The following ADAMTS9 variants were observed in gnomAD, a reference collection of about 807,000 sequenced individuals.
ADAMTS9 encodes the protein ADAM metallopeptidase with thrombospondin type 1 motif 9.
Under a neutral mutation model 257.1 loss-of-function variants are expected in ADAMTS9, and 107 were observed. That is an observed-to-expected ratio of 0.42 (90% CI 0.36 to 0.49). The LOEUF is 0.49. Among genes scored for constraint, ADAMTS9 ranks in the 20% least tolerant of loss-of-function variants. The probability of loss-of-function intolerance (pLI) is 0.03; values close to 1 mark genes in which losing one functional copy is unlikely to be tolerated. For synonymous variants in ADAMTS9, 982 were observed against 880.9 expected, an observed-to-expected ratio of 1.11 and a Z score of -2.03; for missense variants, 2,353 against 2,469.1, an observed-to-expected ratio of 0.95 and a Z score of 1.00.
chr3:64,657,138 G>T, intron 4 of ADAMTS9, among the ~76,000 whole-genome samples: 1 of 152,098 alleles, frequency 6.6e-6, no homozygotes, highest in Non-Finnish European at 1.5e-5. Context: ...ACCTAGAGTT[G>T]CACTGCCCAA....
At position 64,604,041 on chromosome 3, in the gene ADAMTS9, G is replaced by T. The variant is rs1467625872; in HGVS notation, c.3628C>A (p.Arg1210=). The T allele has an allele frequency of 6.2e-7, 1 of 1,614,072 alleles. No homozygotes were observed. Among genetic ancestry groups the T allele is most frequent in the East Asian group, 2.2e-5 (1 of 44,834 alleles). Residue 1210 remains arginine, a synonymous_variant, in exon 25 of 40, where the codon CGA becomes AGA. Coordinates refer to ENST00000498707, the MANE Select transcript of ADAMTS9 (RefSeq NM_182920.2). ...TCAGCCACAGAGCCATTCTCATCTC[G>T]GCAGCTGACGTATCTCATCCGGGTA... is the stretch of plus-strand genomic sequence containing the variant. ...KGTRMRYVSC[R]DENGSVADES... is the part of the protein sequence containing the mutation.
At chr3:64,646,814 C>T (rs946129006) in intron 11 of ADAMTS9, among the ~76,000 whole-genome samples, 1 of 152,194 alleles carries the variant, frequency 6.6e-6, no homozygotes, top group Non-Finnish European at 1.5e-5. Context: ...CCAGTAGGCC[C>T]TGCTGCCCCT....
chr3:64,601,887 T>A, intron 26 of ADAMTS9, 57 bp downstream of exon 26: 1 of 1,528,130 alleles, frequency 6.5e-7, no homozygotes, highest in Non-Finnish European at 8.8e-7. Flanking sequence ...TAGTCTCTTT[T>A]ACCCTAAACC....
chr3:64,568,411 C>A lies in ADAMTS9; in HGVS notation c.4481G>T (p.Arg1494Leu), dbSNP rs200540718. The A allele has an allele frequency of 6.2e-6, 10 of 1,612,862 alleles. No homozygotes were observed. The highest frequency in any genetic ancestry group is 6.8e-6 in the Non-Finnish European group (8 of 1,179,758). ...LAKPHGHRKCRGGRCPKWKAG... is the reference protein window; with the variant it reads ...LAKPHGHRKCLGGRCPKWKAG... ...TTTCCATTTGGGGCATCTTCCTCCT[C>A]GGCACTTTCTGTGCCCATGTGGCTT... The change falls in exon 29 of 40, where the codon CGA (arginine) becomes CTA (leucine). Residue 1494 changes from arginine (R) to leucine (L), a missense_variant. Physicochemically the swap from Arg to Leu is moderately radical, Grantham distance 102 (BLOSUM62 -2). Transcript: ENST00000498707.
At chr3:64,527,819 G>A (rs114553413) in intron 38 of ADAMTS9, among the ~76,000 whole-genome samples, 2,585 of 152,230 alleles carry the variant, frequency 0.017, 49 homozygotes, top group Non-Finnish European at 0.028. Flanking sequence ...ACACTTGGTG[G>A]ATAGTTGGAT....
At chr3:64,532,021 C>T (rs2082988274) in intron 38 of ADAMTS9, among the ~76,000 whole-genome samples, 1 of 152,170 alleles carries the variant, frequency 6.6e-6, no homozygotes, top group Non-Finnish European at 1.5e-5. Context: ...TCTACTCCTG[C>T]CAGGTCCCCC....
intron 28 of ADAMTS9, among the ~76,000 whole-genome samples, chr3:64,584,272 G>A (rs988083758): frequency 5.9e-5 from 9 of 152,096 alleles, no homozygotes; most frequent in African/African-American, 2.2e-4. Context: ...ACTAGGAAGA[G>A]ATGCAATAAA....
chr3:64,636,848 A>G (rs1700512841), intron 12 of ADAMTS9, among the ~76,000 whole-genome samples: 1 of 152,202 alleles, frequency 6.6e-6, no homozygotes, highest in African/African-American at 2.4e-5. Flanking sequence ...CTCAAAGCCT[A>G]AAGTATTTAC....
chr3:64,522,318 A>G (rs1163617661), intron 38 of ADAMTS9, 58 bp from the exon 39 acceptor site: 4 of 1,524,952 alleles, frequency 2.6e-6, no homozygotes, highest in Non-Finnish European at 3.6e-6. Flanking sequence ...CAGGGCCTGC[A>G]CTGGCTTTTT....
rs756832736 is a variant in ADAMTS9 at position 64,546,888 on chromosome 3, C to A, written c.4934G>T (p.Gly1645Val). The A allele has an allele frequency of 6.2e-7, 1 of 1,613,986 alleles. No individual in the cohort carries two copies. Among genetic ancestry groups the A allele is most frequent in the African/African-American group, 1.3e-5 (1 of 74,904 alleles). ...GTAGCTGTATTCATAATTCTCCTTC[C>A]CGGTGTAAATCTCGCTGCACGAGAC... ...RLVSCSEIYT[G>V]KENYEYSYQT... Residue 1645 changes from glycine (G) to valine (V), a missense_variant, in exon 32 of 40, where the codon GGG becomes GTG. Physicochemically the swap from Gly to Val is moderately radical, Grantham distance 109. Coordinates refer to ENST00000498707, the MANE Select transcript of ADAMTS9 (RefSeq NM_182920.2).
intron 8 of ADAMTS9, among the ~76,000 whole-genome samples, 179 bp downstream of exon 8, chr3:64,654,174 A>C (rs1700999981): frequency 6.6e-6 from 1 of 152,216 alleles, no homozygotes; most frequent in Admixed American, 6.5e-5. Context: ...GCATTTACTC[A>C]ACTTTTGGAA....
chr3:64,542,030 G>A (rs1015967837), intron 32 of ADAMTS9, 60 bp from the exon 33 acceptor site: 3 of 1,605,770 alleles, frequency 1.9e-6, no homozygotes, highest in Non-Finnish European at 2.6e-6. Context: ...TAGGCTTCTG[G>A]TGGTGTGGAG....
At chr3:64,602,264 T>C in intron 25 of ADAMTS9, 51 bp from the exon 26 acceptor site, 2 of 1,585,416 alleles carry the variant, frequency 1.3e-6, no homozygotes, top group Non-Finnish European at 1.7e-6. Context: ...GTGGAGGGGT[T>C]GACAATTCCT....
chr3:64,549,004 A>C (rs1379493837), intron 31 of ADAMTS9, among the ~76,000 whole-genome samples: 1 of 152,174 alleles, frequency 6.6e-6, no homozygotes, highest in Non-Finnish European at 1.5e-5. Flanking sequence ...ATTCAGGTGG[A>C]GTAGAGCTCA....
chr3:64,681,482 G>A, intron 2 of ADAMTS9, 119 bp from the exon 3 acceptor site: 1 of 1,103,620 alleles, frequency 9.1e-7, no homozygotes, highest in Non-Finnish European at 1.3e-6. Context: ...TTTTTCAGGA[G>A]GGTTGTTTCA....
intron 2 of ADAMTS9, among the ~76,000 whole-genome samples, chr3:64,681,798 A>C (rs1288336380): frequency 6.6e-6 from 1 of 152,106 alleles, no homozygotes; most frequent in African/African-American, 2.4e-5. Flanking sequence ...GTGTCATATC[A>C]GTAACTTATT....
At chr3:64,539,135 A>C in intron 37 of ADAMTS9, 68 bp downstream of exon 37, 1 of 1,466,014 alleles carries the variant, frequency 6.8e-7, no homozygotes, top group Non-Finnish European at 9.6e-7. Context: ...GAACAGATGC[A>C]ACTGAGGATG....
intron 8 of ADAMTS9, among the ~76,000 whole-genome samples, chr3:64,651,871 T>C (rs1176902934): frequency 6.6e-6 from 1 of 152,148 alleles, no homozygotes; most frequent in Non-Finnish European, 1.5e-5. Flanking sequence ...GTTCTTAAAT[T>C]AATCCAGGTT....
chr3:64,535,283 G>A (rs1404937016), intron 37 of ADAMTS9, among the ~76,000 whole-genome samples: 5 of 152,136 alleles, frequency 3.3e-5, no homozygotes, highest in Non-Finnish European at 2.9e-5. Context: ...GGAGACTGAG[G>A]CAGGAGAATA....
Sources: gnomAD v4.1 joint callset for allele counts (sites outside exome capture counted in the v4.1 genomes callset) on GRCh38, gnomAD v4.1.1 for gene constraint, MANE v1.5 for transcripts, NCBI Gene and HGNC (gene_info 2026-07-23, HGNC 2026-07-21) for gene names.